CLEC16A: variants seen among roughly 807,000 people sequenced by gnomAD.
The protein encoded by CLEC16A is C-type lectin domain containing 16A, also known as protein CLEC16A.
Under a neutral mutation model 109.5 loss-of-function variants are expected in CLEC16A, and 51 were observed. The observed-to-expected ratio is 0.47, with a 90% CI of 0.37 to 0.59. CLEC16A has a LOEUF of 0.59. Among genes scored for constraint, CLEC16A ranks in the 20% least tolerant of loss-of-function variants. The pLI is 0.00. For missense variants in CLEC16A, 1,339 were observed against 1,394.0 expected (o/e 0.96, Z 0.63); for synonymous variants, 673 against 564.2 (o/e 1.19, Z -2.73).
At chr16:11,141,793 T>C (rs189457876) in intron 22 of CLEC16A, among the ~76,000 whole-genome samples, 1 of 152,264 alleles carries the variant, frequency 6.6e-6, no homozygotes, top group African/African-American at 2.4e-5. Flanking sequence ...ACAGATCTGC[T>C]CCTGAGAACG....
intron 4 of CLEC16A, among the ~76,000 whole-genome samples, chr16:10,969,708 A>G (rs1372080640): frequency 6.6e-6 from 1 of 152,122 alleles, no homozygotes; most frequent in East Asian, 1.9e-4. Context: ...CTTGGTAGAG[A>G]GGAGACATGC....
chr16:11,004,095 A>G (rs1413183535), intron 11 of CLEC16A, among the ~76,000 whole-genome samples: 2 of 152,078 alleles, frequency 1.3e-5, no homozygotes, highest in African/African-American at 4.8e-5. Flanking sequence ...ACTCGTGTGT[A>G]GTACGTATGT....
chr16:11,111,293 A>T (rs1359901401), intron 19 of CLEC16A, among the ~76,000 whole-genome samples: 1 of 152,186 alleles, frequency 6.6e-6, no homozygotes, highest in African/African-American at 2.4e-5. Flanking sequence ...ACTCTGCTCC[A>T]CATGGCATCA....
chr16:11,144,587 T>A (rs1477947239), intron 22 of CLEC16A, among the ~76,000 whole-genome samples: 1 of 152,216 alleles, frequency 6.6e-6, no homozygotes, highest in Non-Finnish European at 1.5e-5. Context: ...TGTAGGATCT[T>A]CCCCAGCTTG....
At chr16:11,073,172 T>C (rs536693030) in intron 19 of CLEC16A, among the ~76,000 whole-genome samples, 8 of 152,082 alleles carry the variant, frequency 5.3e-5, no homozygotes, top group Admixed American at 5.2e-4. Flanking sequence ...GCAAGGCGAG[T>C]GTGGTTTTGT....
At chr16:10,958,452 A>G (rs1490030262) in intron 2 of CLEC16A, among the ~76,000 whole-genome samples, 1 of 152,172 alleles carries the variant, frequency 6.6e-6, no homozygotes, top group Non-Finnish European at 1.5e-5. Flanking sequence ...GCAACTCACC[A>G]CTTCCTAGGT....
intron 19 of CLEC16A, among the ~76,000 whole-genome samples, chr16:11,082,214 G>A (rs1270237450): frequency 1.3e-5 from 2 of 152,230 alleles, no homozygotes; most frequent in African/African-American, 4.8e-5. Flanking sequence ...GTGTGCATGT[G>A]TGTATGTACA....
intron 19 of CLEC16A, among the ~76,000 whole-genome samples, chr16:11,104,815 C>T (rs2051122231): frequency 6.6e-6 from 1 of 152,116 alleles, no homozygotes; most frequent in Non-Finnish European, 1.5e-5. Context: ...AGCCCAGTAC[C>T]CGACACACAG....
intron 22 of CLEC16A, among the ~76,000 whole-genome samples, chr16:11,156,172 G>A (rs560605619): frequency 2.0e-4 from 31 of 152,152 alleles, no homozygotes; most frequent in Middle Eastern, 3.4e-3. Context: ...GACCAGCCTG[G>A]CCAACATGGT....
intron 13 of CLEC16A, among the ~76,000 whole-genome samples, chr16:11,035,787 CAG>C (rs965003276): frequency 3.9e-5 from 6 of 152,192 alleles, no homozygotes; most frequent in African/African-American, 1.4e-4. Context: ...TGTCCTTCCC[CAG>C]AGAGACTGGT....
intron 19 of CLEC16A, among the ~76,000 whole-genome samples, chr16:11,065,091 G>A (rs919920057): frequency 2.0e-5 from 3 of 152,314 alleles, no homozygotes; most frequent in Non-Finnish European, 2.9e-5. Context: ...CCAGAGGAAG[G>A]GAGCTGTATC....
At chr16:10,945,910 A>C (rs1372117987) in intron 1 of CLEC16A, among the ~76,000 whole-genome samples, 2 of 152,228 alleles carry the variant, frequency 1.3e-5, no homozygotes, top group African/African-American at 4.8e-5. Context: ...ACGAGGGCAC[A>C]GACTGCTTGG....
chr16:11,156,943 G>A lies in CLEC16A; in HGVS notation c.2642-9445G>A, dbSNP rs2054554385. The stretch of plus-strand genomic sequence containing the variant: ...CCCCCCCCCCCACCCACCCCCTGCC[G>A]GTAGCAAAAGGGGCATTAGACTTGG... On this transcript the variant is annotated intron_variant, in intron 22 of 23. Coordinates refer to ENST00000409790, the MANE Select transcript of CLEC16A (RefSeq NM_015226.3). 2.5e-4 allele frequency: 8 copies of A among 31,994 alleles called. No homozygotes were observed. The South Asian group carries it at 3.9e-3, about 16-fold the overall frequency. 2.0% of individuals were successfully genotyped at this position (31,994 alleles called of 1,614,324 possible).
chr16:10,985,871 A>G (rs1431912705), intron 10 of CLEC16A, among the ~76,000 whole-genome samples: 1 of 146,526 alleles, frequency 6.8e-6, no homozygotes. Context: ...ACGCCCAGCT[A>G]ATTTTTGTAT....
intron 20 of CLEC16A, among the ~76,000 whole-genome samples, chr16:11,121,796 C>T (rs1399941788): frequency 7.0e-6 from 1 of 142,254 alleles, no homozygotes; most frequent in Non-Finnish European, 1.5e-5. Flanking sequence ...ACGAGAATCG[C>T]TTGAACCCAG....
chr16:11,149,981 C>T (rs1323856733), intron 22 of CLEC16A: 1 of 152,146 alleles, frequency 6.6e-6, no homozygotes, highest in African/African-American at 2.4e-5. Context: ...ACCCAAACAG[C>T]TCTGAAAATC....
chr16:10,957,784 A>G lies in CLEC16A; in HGVS notation c.83A>G (p.Tyr28Cys), dbSNP rs759498070. ...TCCTTTTCTCTCATTTCTCTCAGGT[A>G]TCTGTACCACGTTTTGACCAAAAAC... is the stretch of plus-strand genomic sequence containing the variant. ...RNIHSLDHLK[Y>C]LYHVLTKNTT... Residue 28 changes from tyrosine (Y) to cysteine (C), a missense_variant and splice_region_variant, in exon 2 of 24, where the codon TAT becomes TGT. Physicochemically the swap from Tyr to Cys is radical, Grantham distance 194 (BLOSUM62 -2). This residue lies in a region of CLEC16A where 117 missense variants were observed against 120.2 expected (regional missense o/e 0.97). Coordinates refer to ENST00000409790, the MANE Select transcript of CLEC16A (RefSeq NM_015226.3). 1.2e-6 allele frequency: 2 copies of G among 1,613,918 alleles called. No homozygotes were observed. The highest frequency in any genetic ancestry group is 1.7e-5 in the Admixed American group (1 of 60,022).
intron 2 of CLEC16A, among the ~76,000 whole-genome samples, chr16:10,959,067 T>C (rs7404554): frequency 0.32 from 48,499 of 150,914 alleles, 9,866 homozygotes; most frequent in East Asian, 0.59. Context: ...ATTATAAATA[T>C]TGAGGCCACT....
intron 23 of CLEC16A, among the ~76,000 whole-genome samples, chr16:11,171,915 CACCAGTACACATACACACTCACACAT>C (rs953941114): frequency 1.4e-4 from 22 of 151,830 alleles, no homozygotes; most frequent in African/African-American, 5.3e-4. Flanking sequence ...TAGTCACACA[CACCAGTACACATACACACTCACACAT>C]ACAAGTGTGC....
Sources: allele counts gnomAD v4.1 joint callset (sites outside exome capture counted in the v4.1 genomes callset), GRCh38; gene constraint gnomAD v4.1.1; regional missense constraint gnomAD v4.1.1; transcripts MANE v1.5; gene names NCBI Gene and HGNC (gene_info 2026-07-23, HGNC 2026-07-21).